Variants in OR2G6 observed in about 807,000 individuals in gnomAD.
OR2G6 encodes olfactory receptor 2G6.
For missense variants in OR2G6, 457 were observed against 391.3 expected (o/e 1.17, Z -1.42); for synonymous variants, 183 against 155.2 (o/e 1.18, Z -1.33).
intron 1 of OR2G6, among the ~76,000 whole-genome samples, chr1:248,520,019 C>G (rs1447056444): frequency 6.6e-6 from 1 of 152,100 alleles, no homozygotes; most frequent in East Asian, 1.9e-4. Context: ...GACTTGGAAT[C>G]AACCTAAATG....
chr1:248,519,409 G>A (rs909277008), intron 1 of OR2G6, among the ~76,000 whole-genome samples: 12 of 148,818 alleles, frequency 8.1e-5, no homozygotes, highest in Non-Finnish European at 4.5e-5. Flanking sequence ...CTTTACCCAC[G>A]TCTATGTCCT....
chr1:248,520,855 AATAT>A (rs1553328184), intron 1 of OR2G6, among the ~76,000 whole-genome samples: 9 of 90,594 alleles, frequency 9.9e-5, no homozygotes, highest in African/African-American at 2.6e-4. Context: ...ACTAAAAAAA[AATAT>A]ATATATATAT....
rs1664318009 is a variant in OR2G6 at position 248,522,728 on chromosome 1, A to G, written c.*131A>G. 1.6e-6 allele frequency: 1 copy of G among 641,066 alleles called. No homozygotes were observed. Among genetic ancestry groups the G allele is most frequent in the Admixed American group, 3.0e-5 (1 of 33,438 alleles). 39.7% of individuals were successfully genotyped at this position (641,066 alleles called of 1,614,324 possible). A position where few individuals can be genotyped will look rare whatever the true frequency, so the allele number is the denominator to read the frequency against. On this transcript the variant is annotated 3_prime_UTR_variant, in exon 2 of 2. Transcript: ENST00000641804. Reference sequence around the variant, plus strand: ...CATTGGAATTCTAAAGAAGGGAAACACCTCAAGGCAGCGTGAGGATTCATC... The same window carrying G: ...CATTGGAATTCTAAAGAAGGGAAACGCCTCAAGGCAGCGTGAGGATTCATC...
chr1:248,520,627 C>A (rs971607485), intron 1 of OR2G6, among the ~76,000 whole-genome samples: 1 of 152,172 alleles, frequency 6.6e-6, no homozygotes, highest in East Asian at 1.9e-4. Flanking sequence ...AACCCCAGCA[C>A]TTTGGGAGGC....
In OR2G6 at chr1:248,521,606, C is replaced by A; in HGVS notation, c.-36-5C>A. On this transcript the variant is annotated splice_polypyrimidine_tract_variant and splice_region_variant and intron_variant, in intron 1 of 1. Coordinates refer to ENST00000641804, the MANE Select transcript of OR2G6 (RefSeq NM_001013355.2). ...ACTTTCTATCCCCAAATATTAATCA[C>A]TTAGTATTTGAAGCTGAAGAGTCCT... The A allele has an allele frequency of 7.4e-7, 1 of 1,351,240 alleles. No individual in the cohort carries two copies. Among genetic ancestry groups the A allele is most frequent in the Non-Finnish European group, 1.0e-6 (1 of 960,024 alleles). The allele number at this position is 1,351,240 out of a possible 1,614,324, so 83.7% of individuals were successfully genotyped here.
rs1360195936 is a variant in OR2G6 at position 248,521,399 on chromosome 1, TAATAC to T, written c.-36-206_-36-202del. The stretch of plus-strand genomic sequence containing the variant: ...TACAAATATCAAATAAAACAAATGT[TAATAC>T]AATACTTTTGTTGTTTGAGTAAAAC... On this transcript the variant is annotated intron_variant, in intron 1 of 1. Transcript: ENST00000641804. Among the ~76,000 whole-genome samples the T allele has an allele frequency of 3.3e-5, 5 of 152,256 alleles. No homozygotes were observed. In the East Asian group the frequency reaches 7.7e-4, roughly 23 times the overall value.
rs964299406 is a variant in OR2G6, at chr1:248,522,409, A to G, written c.763A>G (p.Ile255Val). The G allele has an allele frequency of 6.2e-7, 1 of 1,614,186 alleles. No homozygotes were observed. Among genetic ancestry groups the G allele is most frequent in the South Asian group, 1.1e-5 (1 of 91,080 alleles). Residue 255 changes from isoleucine (I) to valine (V), a missense_variant, in exon 2 of 2, where the codon ATC becomes GTC. By Grantham distance (29) the Ile-to-Val change is conservative (BLOSUM62 3). Coordinates refer to ENST00000641804, the MANE Select transcript of OR2G6 (RefSeq NM_001013355.2). ...LVVVIIFYGT[I>V]IFMYLQPANR... ...TGTGGTCATCATTTTCTATGGGACC[A>G]TCATATTCATGTACCTTCAACCGGC...
rs184407071 is a variant in OR2G6, at chr1:248,522,818, G to A, written c.*221G>A. On this transcript the variant is annotated 3_prime_UTR_variant, in exon 2 of 2. Coordinates refer to ENST00000641804, the MANE Select transcript of OR2G6 (RefSeq NM_001013355.2). ...GACTAGGAAGCATTGGAATTCTAAA[G>A]AAGAGAAACACACCAAAGCAGCATG... 6.7e-4 allele frequency: 347 copies of A among 515,484 alleles called. No homozygotes were observed. The highest frequency in any genetic ancestry group is 6.3e-3 in the African/African-American group (323 of 51,434). The allele number at this position is 515,484 out of a possible 1,614,324, so 31.9% of individuals were successfully genotyped here.
chr1:248,526,989 A>T lies in OR2G6; in HGVS notation c.*4392A>T, dbSNP rs1659140914. Reference sequence around the variant, plus strand: ...TTCTTTTGCTGTGCAGAAGCTCTTTAGTTTAATTAGATCCCATTTGTCAAT... The same window carrying T: ...TTCTTTTGCTGTGCAGAAGCTCTTTTGTTTAATTAGATCCCATTTGTCAAT... On this transcript the variant is annotated 3_prime_UTR_variant, in exon 2 of 2. Transcript: ENST00000641804. The T allele has an allele frequency of 6.6e-6, 1 of 151,992 alleles. No homozygotes were observed. Among genetic ancestry groups the T allele is most frequent in the Non-Finnish European group, 1.5e-5 (1 of 67,988 alleles). 9.4% of individuals were successfully genotyped at this position (151,992 alleles called of 1,614,324 possible). A position where few individuals can be genotyped will look rare whatever the true frequency, so the allele number is the denominator to read the frequency against.
chr1:248,525,923 CAGG>C lies in OR2G6; in HGVS notation c.*3329_*3331del, dbSNP rs1399673267. 1.3e-5 allele frequency: 2 copies of C among 148,312 alleles called. No homozygotes were observed. Among genetic ancestry groups the C allele is most frequent in the African/African-American group, 5.3e-5 (2 of 37,908 alleles). 9.2% of individuals were successfully genotyped at this position (148,312 alleles called of 1,614,324 possible). ...ATCCCAGTTACTCAGGAGGCTGAGG[CAGG>C]AGAATTGCTTGAACCTAGGAGGCAG... On this transcript the variant is annotated 3_prime_UTR_variant, in exon 2 of 2. Coordinates refer to ENST00000641804, the MANE Select transcript of OR2G6 (RefSeq NM_001013355.2).
rs1297969775 is a variant in OR2G6, at chr1:248,524,892, TATAAC to T, written c.*2299_*2303del. 1 of 152,084 alleles carries T rather than the reference TATAAC, an allele frequency of 6.6e-6. No individual in the cohort carries two copies. Among genetic ancestry groups the T allele is most frequent in the Non-Finnish European group, 1.5e-5 (1 of 68,008 alleles). The allele number at this position is 152,084 out of a possible 1,614,324, so 9.4% of individuals were successfully genotyped here. On this transcript the variant is annotated 3_prime_UTR_variant, in exon 2 of 2. Transcript: ENST00000641804. ...CAAAAGGAAACCAGAAAATAATAGA[TATAAC>T]ATAGGCAAAGCAACCTAAAAAAACT...
Position 248,522,777 on chromosome 1 carries a change from A to T in OR2G6, c.*180A>T. Reference sequence around the variant, plus strand: ...TCCTCCCCAGACATTCCTCTTGTCAATCCCAAAGCCACAGGGACTAGGAAG... The same window carrying T: ...TCCTCCCCAGACATTCCTCTTGTCATTCCCAAAGCCACAGGGACTAGGAAG... On this transcript the variant is annotated 3_prime_UTR_variant, in exon 2 of 2. Coordinates refer to ENST00000641804, the MANE Select transcript of OR2G6 (RefSeq NM_001013355.2). 1 of 568,400 alleles carries T rather than the reference A, an allele frequency of 1.8e-6. No individual in the cohort carries two copies. The highest frequency in any genetic ancestry group is 2.4e-5 in the South Asian group (1 of 40,894). 35.2% of individuals were successfully genotyped at this position (568,400 alleles called of 1,614,324 possible).
rs144557359 is a variant in OR2G6, at chr1:248,521,465, C to A, written c.-36-146C>A. ...AAAAATAGAAGGAAGTGGCATTTCC[C>A]GCCCATGGATTTATGTTGAGGAAAG... On this transcript the variant is annotated intron_variant, in intron 1 of 1. Coordinates refer to ENST00000641804, the MANE Select transcript of OR2G6 (RefSeq NM_001013355.2). The A allele has an allele frequency of 2.7e-3, 1,380 of 505,162 alleles. 13 individuals carry two copies. The highest frequency in any genetic ancestry group is 0.019 in the African/African-American group (999 of 51,732). The allele number at this position is 505,162 out of a possible 1,614,324, so 31.3% of individuals were successfully genotyped here.
At position 248,522,248 on chromosome 1, in the gene OR2G6, T is replaced by A. The variant is rs749184600; in HGVS notation, c.602T>A (p.Val201Glu). ...DTTFNEAELF[V>E]ASVVFLIVPV... ...ACTTTCAACGAGGCAGAACTCTTTG[T>A]GGCCAGTGTAGTCTTTCTAATTGTC... The change falls in exon 2 of 2, where the codon GTG (valine) becomes GAG (glutamate). Residue 201 changes from valine to glutamate, a missense_variant. Physicochemically the swap from Val to Glu is moderately radical, Grantham distance 121 (BLOSUM62 -2). Coordinates refer to ENST00000641804, the MANE Select transcript of OR2G6 (RefSeq NM_001013355.2). 1.2e-6 allele frequency: 2 copies of A among 1,614,172 alleles called. No homozygotes were observed. The highest frequency in any genetic ancestry group is 2.2e-5 in the East Asian group (1 of 44,886).
chr1:248,522,033 A>G lies in OR2G6; in HGVS notation c.387A>G (p.Pro129=). The G allele has an allele frequency of 1.2e-6, 2 of 1,614,154 alleles. No individual in the cohort carries two copies. The highest frequency in any genetic ancestry group is 1.7e-6 in the Non-Finnish European group (2 of 1,180,040). Residue 129 remains proline (P), a synonymous_variant, in exon 2 of 2, where the codon CCA becomes CCG. Transcript: ENST00000641804. Reference sequence around the variant, plus strand: ...ACCGCTATGCTGCTGTCTGCCGGCCACTGCGCTACATAGCCATTATGCACC... The same window carrying G: ...ACCGCTATGCTGCTGTCTGCCGGCCGCTGCGCTACATAGCCATTATGCACC... ...AYDRYAAVCR[P]LRYIAIMHPR...
intron 1 of OR2G6, 68 bp from the exon 2 acceptor site, chr1:248,521,543 A>G (rs949318633): frequency 8.4e-5 from 66 of 781,492 alleles, no homozygotes; most frequent in Non-Finnish European, 1.3e-4. Flanking sequence ...AGATAATTAT[A>G]CTGTAAACGA....
At position 248,524,564 on chromosome 1, in the gene OR2G6, A is replaced by G. The variant is rs1215100799; in HGVS notation, c.*1967A>G. ...TGTGTCAGAGTCTCAATCAATTTAC[A>G]TGGAATATGGCCCCAGGGCAAAAGA... On this transcript the variant is annotated 3_prime_UTR_variant, in exon 2 of 2. Transcript: ENST00000641804. 2 of 152,204 alleles carry G rather than the reference A, an allele frequency of 1.3e-5. No individual in the cohort carries two copies. The highest frequency in any genetic ancestry group is 4.8e-5 in the African/African-American group (2 of 41,450). 9.4% of individuals were successfully genotyped at this position (152,204 alleles called of 1,614,324 possible).
Position 248,527,023 on chromosome 1 carries a change from T to C in OR2G6, c.*4426T>C, listed in dbSNP as rs1422081487. On this transcript the variant is annotated 3_prime_UTR_variant, in exon 2 of 2. Coordinates refer to ENST00000641804, the MANE Select transcript of OR2G6 (RefSeq NM_001013355.2). ...AGATCCCATTTGTCAATTTTGGCTT[T>C]TGTTGCCATTGCTTTTGGTGTTTTA... The C allele has an allele frequency of 1.3e-5, 2 of 152,224 alleles. No individual in the cohort carries two copies. The highest frequency in any genetic ancestry group is 2.9e-5 in the Non-Finnish European group (2 of 68,048). The allele number at this position is 152,224 out of a possible 1,614,324, so 9.4% of individuals were successfully genotyped here.
Position 248,523,303 on chromosome 1 carries a change from T to C in OR2G6, c.*706T>C, listed in dbSNP as rs1664329955. On this transcript the variant is annotated 3_prime_UTR_variant, in exon 2 of 2. Transcript: ENST00000641804. ...CGAGAAACACAAATATTAAGAGTTG[T>C]GATGCTTTGGTTCCACAGAATTGTG... 6.6e-6 allele frequency: 1 copy of C among 152,200 alleles called. No individual in the cohort carries two copies. The highest frequency in any genetic ancestry group is 2.4e-5 in the African/African-American group (1 of 41,452). The allele number at this position is 152,200 out of a possible 1,614,324, so 9.4% of individuals were successfully genotyped here.
Sources: gnomAD v4.1 joint callset for allele counts (sites outside exome capture counted in the v4.1 genomes callset) on GRCh38, gnomAD v4.1.1 for gene constraint, MANE v1.5 for transcripts, NCBI Gene and HGNC (gene_info 2026-07-23, HGNC 2026-07-21) for gene names.